The following ZC3H18 variants were observed in gnomAD, a reference collection of about 807,000 sequenced individuals.
The protein encoded by ZC3H18 is zinc finger CCCH domain-containing protein 18.
In ZC3H18, 8 loss-of-function variants were observed where a neutral mutation model predicts 106.1. The ratio of observed to expected loss-of-function variants is 0.08; its 90% CI spans 0.04 to 0.14. The LOEUF (loss-of-function observed/expected upper bound fraction) is 0.14. ZC3H18 is among the 10% of genes least tolerant of loss of function. The pLI is 1.00. For synonymous variants in ZC3H18, 635 were observed against 522.1 expected (o/e 1.22, Z -2.95); for missense variants, 1,318 against 1,278.4 (o/e 1.03, Z -0.47).
At chr16:88,620,585 GAAAA>G (rs577883900) in intron 8 of ZC3H18, among the ~76,000 whole-genome samples, 2 of 102,414 alleles carry the variant, frequency 2.0e-5, no homozygotes, top group Non-Finnish European at 4.1e-5. Context: ...CTCTAAAAAA[GAAAA>G]AAAAAAAAAA....
chr16:88,619,457 G>C (rs1037374678), intron 8 of ZC3H18, among the ~76,000 whole-genome samples: 1 of 152,084 alleles, frequency 6.6e-6, no homozygotes. Context: ...GTGCAGTGAC[G>C]AGATGGTGCA....
At chr16:88,588,866 G>A (rs1033402759) in intron 3 of ZC3H18, among the ~76,000 whole-genome samples, 3 of 151,816 alleles carry the variant, frequency 2.0e-5, no homozygotes, top group African/African-American at 7.3e-5. Context: ...CAGCCTGGGC[G>A]ACAGTGAGAC....
At chr16:88,596,760 GTGATTT>G (rs1904461133) in intron 3 of ZC3H18, among the ~76,000 whole-genome samples, 1 of 152,194 alleles carries the variant, frequency 6.6e-6, no homozygotes, top group South Asian at 2.1e-4. Context: ...AGTTACACAC[GTGATTT>G]TGAATACTGC....
At position 88,611,528 on chromosome 16, in the gene ZC3H18, G is replaced by T. The variant is rs1413048702; in HGVS notation, c.1467G>T (p.Gln489His). Residue 489 changes from glutamine (Q) to histidine (H), a missense_variant, in exon 8 of 18, where the codon CAG becomes CAT. This residue lies in a region of ZC3H18 where 848 missense variants were observed against 821.7 expected (regional missense o/e 1.03). Coordinates refer to ENST00000301011, the MANE Select transcript of ZC3H18 (RefSeq NM_144604.4). ...GGAAGCCCAAGCCCCGCTCCCCGCA[G>T]CCGCCAAGGTAGACCCTGCTTCCTG... The part of the protein sequence containing the change: ...EKGKPKPRSP[Q>H]PPSRQAEPPK... The T allele has an allele frequency of 1.6e-5, 25 of 1,549,740 alleles. No homozygotes were observed. Among genetic ancestry groups the T allele is most frequent in the Non-Finnish European group, 2.2e-5 (25 of 1,146,628 alleles).
chr16:88,628,333 C>T (rs893553720), intron 15 of ZC3H18, among the ~76,000 whole-genome samples: 1 of 152,144 alleles, frequency 6.6e-6, no homozygotes, highest in South Asian at 2.1e-4. Context: ...CTGCTGGCCT[C>T]TCTCTGAACA....
At chr16:88,574,975 A>G (rs543957968) in intron 1 of ZC3H18, among the ~76,000 whole-genome samples, 49 of 150,986 alleles carry the variant, frequency 3.2e-4, no homozygotes, top group Non-Finnish European at 3.6e-4. Flanking sequence ...GAACACAGGC[A>G]CCCGCCACCA....
At chr16:88,591,311 G>A (rs918747754) in intron 3 of ZC3H18, among the ~76,000 whole-genome samples, 1 of 151,358 alleles carries the variant, frequency 6.6e-6, no homozygotes, top group African/African-American at 2.4e-5. Context: ...GGTGGCTGAT[G>A]CCTGTAATCA....
chr16:88,577,323 C>T lies in ZC3H18; in HGVS notation c.200C>T (p.Ser67Phe), dbSNP rs201679786. 1.9e-6 allele frequency: 3 copies of T among 1,610,154 alleles called. No homozygotes were observed. Among genetic ancestry groups the T allele is most frequent in the Non-Finnish European group, 2.5e-6 (3 of 1,177,832 alleles). ...AGCCAGGAGGAGGAAGATAATCACT[C>T]CGACGAGGAGGACCGGGCAAGTGAG... is the stretch of plus-strand genomic sequence containing the variant. Reference protein sequence around the residue: ...GPSQEEEDNHSDEEDRASEPK... With the variant: ...GPSQEEEDNHFDEEDRASEPK... The change falls in exon 2 of 18, where the codon TCC becomes TTC. Residue 67 changes from serine to phenylalanine, a missense_variant. Around this residue, in one of 6 missense-constraint regions of ZC3H18, gnomAD observed 346 missense variants for 269.0 expected, o/e 1.29. Transcript: ENST00000301011.
intron 10 of ZC3H18, chr16:88,623,672 G>T: frequency 1.8e-6 from 1 of 559,560 alleles, no homozygotes; most frequent in South Asian, 2.5e-5. Context: ...CTGTGCTGCT[G>T]CCCCACTGCC....
intron 3 of ZC3H18, 128 bp downstream of exon 3, chr16:88,586,812 G>A (rs1915467234): frequency 3.5e-6 from 2 of 577,182 alleles, no homozygotes; most frequent in East Asian, 3.0e-5. Flanking sequence ...TGGCTAGGTG[G>A]TGGTGGTGGT....
rs1797097480 is a variant in ZC3H18, at chr16:88,628,196, C to CT, written c.2469+78dup. ...ATCTGCTTCCTGAGACAGCTTCCTC[C>CT]TGGGGGACGGAGCCTGAGTGAGGGC... On this transcript the variant is annotated intron_variant, in intron 15 of 17. Coordinates refer to ENST00000301011, the MANE Select transcript of ZC3H18 (RefSeq NM_144604.4). 9 of 1,542,142 alleles carry CT rather than the reference C, an allele frequency of 5.8e-6. No homozygotes were observed. In the South Asian group the frequency reaches 1.1e-4, roughly 18 times the overall value.
chr16:88,616,843 C>G (rs1905639116), intron 8 of ZC3H18, among the ~76,000 whole-genome samples: 2 of 152,140 alleles, frequency 1.3e-5, no homozygotes, highest in Admixed American at 6.5e-5. Context: ...GTGTCCAGCA[C>G]GGCTGCACCA....
intron 8 of ZC3H18, 127 bp from the exon 9 acceptor site, chr16:88,622,070 T>C: frequency 8.5e-7 from 1 of 1,182,764 alleles, no homozygotes; most frequent in Non-Finnish European, 1.2e-6. Flanking sequence ...CTTAGGACCC[T>C]TTGTTTCTCA....
intron 17 of ZC3H18, 28 bp from the exon 18 acceptor site, chr16:88,631,073 G>T: frequency 6.2e-7 from 1 of 1,610,110 alleles, no homozygotes. Context: ...GCTTCTGGGG[G>T]CTCAAGGTCT....
intron 6 of ZC3H18, among the ~76,000 whole-genome samples, chr16:88,602,690 G>GT (rs985122204): frequency 6.6e-6 from 1 of 152,178 alleles, no homozygotes; most frequent in African/African-American, 2.4e-5. Context: ...TTTTCTGTTG[G>GT]TTTTTTGAGA....
intron 3 of ZC3H18, among the ~76,000 whole-genome samples, chr16:88,595,314 G>A (rs1196437971): frequency 6.6e-6 from 1 of 152,206 alleles, no homozygotes; most frequent in East Asian, 1.9e-4. Flanking sequence ...GTCCCTCCTT[G>A]TCCTCTTCTG....
intron 8 of ZC3H18, among the ~76,000 whole-genome samples, chr16:88,612,712 A>G (rs955370181): frequency 6.6e-6 from 1 of 151,986 alleles, no homozygotes; most frequent in African/African-American, 2.4e-5. Context: ...TTGTTTTAAA[A>G]AAATCTAGGC....
chr16:88,590,084 A>T (rs1396507869), intron 3 of ZC3H18, among the ~76,000 whole-genome samples: 1 of 152,136 alleles, frequency 6.6e-6, no homozygotes, highest in East Asian at 1.9e-4. Flanking sequence ...GGAGTTAGAG[A>T]CCAGCCTGGG....
chr16:88,628,175 G>T, intron 15 of ZC3H18, 56 bp downstream of exon 15: 1 of 1,584,674 alleles, frequency 6.3e-7, no homozygotes, highest in Non-Finnish European at 8.6e-7. Flanking sequence ...GGGTCCATCT[G>T]CTTCCTGAGA....
Sources: gnomAD v4.1 joint callset for allele counts (sites outside exome capture counted in the v4.1 genomes callset) on GRCh38, gnomAD v4.1.1 for gene constraint, gnomAD v4.1.1 regional missense constraint, MANE v1.5 for transcripts, NCBI Gene and HGNC (gene_info 2026-07-23, HGNC 2026-07-21) for gene names.